The following FKTN variants were observed in gnomAD, a reference collection of about 807,000 sequenced individuals.
FKTN encodes fukutin, also known as ribitol-5-phosphate transferase FKTN.
A neutral mutation model predicts 58.6 loss-of-function variants in FKTN; 47 were observed. The ratio of observed to expected loss-of-function variants is 0.80; its 90% CI spans 0.63 to 1.02. The LOEUF (loss-of-function observed/expected upper bound fraction) is 1.02, where lower values mean the gene tolerates loss of function less well. Ranked by LOEUF, FKTN falls within the 50% of genes least tolerant of loss-of-function variation. The pLI, the probability that FKTN is intolerant of heterozygous loss-of-function variation, is 0.00. For missense variants in FKTN, 516 were observed against 537.3 expected (o/e 0.96, Z 0.39); for synonymous variants, 178 against 191.9 (o/e 0.93, Z 0.60).
chr9:105,593,954 CT>C (rs1826263056), intron 3 of FKTN, among the ~76,000 whole-genome samples: 1 of 152,072 alleles, frequency 6.6e-6, no homozygotes, highest in African/African-American at 2.4e-5. Flanking sequence ...AGGAGTTTTG[CT>C]GTAATGGGGG....
rs140924203 is a variant in FKTN, at chr9:105,601,434, A to C, written c.369+86A>C. 522 of 973,846 alleles carry C rather than the reference A, an allele frequency of 5.4e-4. 4 individuals are homozygous for C. The East Asian group carries it at 0.011, about 20-fold the overall frequency. 60.3% of individuals were successfully genotyped at this position (973,846 alleles called of 1,614,324 possible). A position where few individuals can be genotyped will look rare whatever the true frequency, so the allele number is the denominator to read the frequency against. ...GGCTAGTTTAAAATGTAAAACATTA[A>C]AAATTTTTCCTGAAACACTTTATAA... On this transcript the variant is annotated intron_variant, in intron 5 of 10. Coordinates refer to ENST00000357998, the MANE Select transcript of FKTN (RefSeq NM_001079802.2).
intron 3 of FKTN, among the ~76,000 whole-genome samples, chr9:105,578,176 A>G (rs1356945314): frequency 2.7e-5 from 4 of 149,470 alleles, no homozygotes; most frequent in African/African-American, 7.4e-5. Context: ...TCTCCTGCCT[A>G]ATTGCCCTGG....
At position 105,635,410 on chromosome 9, in the gene FKTN, A is replaced by C; in HGVS notation, c.*146A>C. ...AGACACAGAAAGAGTCATCTGATGT[A>C]ATTCTCTCACTTAGTACTGAGGAAT... On this transcript the variant is annotated 3_prime_UTR_variant, in exon 11 of 11. Transcript: ENST00000357998. 6.7e-7 allele frequency: 1 copy of C among 1,497,066 alleles called. No individual in the cohort carries two copies. The highest frequency in any genetic ancestry group is 2.2e-5 in the Admixed American group (1 of 45,408). The allele number at this position is 1,497,066 out of a possible 1,614,324, so 92.7% of individuals were successfully genotyped here.
intron 3 of FKTN, among the ~76,000 whole-genome samples, chr9:105,584,003 G>A (rs1056255032): frequency 1.3e-5 from 2 of 152,026 alleles, no homozygotes; most frequent in Admixed American, 6.5e-5. Flanking sequence ...CTTTTCCCTT[G>A]GTGGCAGTGT....
At chr9:105,617,397 A>G (rs1242633160) in intron 8 of FKTN, among the ~76,000 whole-genome samples, 1 of 152,200 alleles carries the variant, frequency 6.6e-6, no homozygotes, top group Non-Finnish European at 1.5e-5. Context: ...CATACGGCCC[A>G]TCAGGTGGTC....
chr9:105,571,390 G>A (rs535095010), intron 1 of FKTN, among the ~76,000 whole-genome samples: 1 of 152,098 alleles, frequency 6.6e-6, no homozygotes. Context: ...TTTGATAGGC[G>A]AATCTTTCTC....
chr9:105,626,414 A>C (rs183162799), intron 10 of FKTN, among the ~76,000 whole-genome samples: 9 of 152,304 alleles, frequency 5.9e-5, no homozygotes, highest in Admixed American at 3.9e-4. Flanking sequence ...TGGTGAAAGG[A>C]GCAATCAAGC....
chr9:105,604,203 C>T lies in FKTN; in HGVS notation c.370-12C>T. On this transcript the variant is annotated splice_polypyrimidine_tract_variant and intron_variant, in intron 5 of 10. Coordinates refer to ENST00000357998, the MANE Select transcript of FKTN (RefSeq NM_001079802.2). Reference sequence around the variant, plus strand: ...TGTTGTTTCTTGATGTTTGATGCTTCTTTGGTTCTAGGAAGGCTGGTTTCG... The same window carrying T: ...TGTTGTTTCTTGATGTTTGATGCTTTTTTGGTTCTAGGAAGGCTGGTTTCG... 1 of 1,611,948 alleles carries T rather than the reference C, an allele frequency of 6.2e-7. No homozygotes were observed. Among genetic ancestry groups the T allele is most frequent in the Non-Finnish European group, 8.5e-7 (1 of 1,179,766 alleles).
intron 1 of FKTN, among the ~76,000 whole-genome samples, chr9:105,572,980 A>G (rs1199766646): frequency 6.6e-6 from 1 of 152,152 alleles, no homozygotes; most frequent in African/African-American, 2.4e-5. Flanking sequence ...CATGCCTGTA[A>G]TCCCAGCACT....
At chr9:105,600,827 T>C (rs750879695) in intron 4 of FKTN, 3 of 195,932 alleles carry the variant, frequency 1.5e-5, no homozygotes, top group Non-Finnish European at 3.2e-5. Flanking sequence ...TACCACTTCC[T>C]CTGTGAAATT....
At chr9:105,585,189 C>T (rs1228078093) in intron 3 of FKTN, among the ~76,000 whole-genome samples, 2 of 152,124 alleles carry the variant, frequency 1.3e-5, no homozygotes, top group Admixed American at 6.6e-5. Context: ...CTTTGGGAGG[C>T]TTAGGCGAGA....
chr9:105,638,211 C>CT lies in FKTN; in HGVS notation c.*2950dup, dbSNP rs1175762101. 1.0e-6 allele frequency: 1 copy of CT among 985,290 alleles called. No homozygotes were observed. The highest frequency in any genetic ancestry group is 1.7e-5 in the African/African-American group (1 of 57,222). 61.0% of individuals were successfully genotyped at this position (985,290 alleles called of 1,614,324 possible). A position where few individuals can be genotyped will look rare whatever the true frequency, so the allele number is the denominator to read the frequency against. On this transcript the variant is annotated 3_prime_UTR_variant, in exon 11 of 11. Transcript: ENST00000357998. ...TCTGTTTCGCATCACAACACAGTAT[C>CT]TTTAACAGTGCTTGAGATGCTTAAC... is the stretch of plus-strand genomic sequence containing the variant.
chr9:105,614,549 C>CT (rs1246401318), intron 7 of FKTN, among the ~76,000 whole-genome samples: 1 of 152,162 alleles, frequency 6.6e-6, no homozygotes, highest in Non-Finnish European at 1.5e-5. Context: ...GCTTTTTCTA[C>CT]TATACTACAC....
chr9:105,618,069 C>G lies in FKTN; in HGVS notation c.1021C>G (p.Pro341Ala), dbSNP rs886044385. 3 of 1,612,352 alleles carry G rather than the reference C, an allele frequency of 1.9e-6. No individual in the cohort carries two copies. In the South Asian group the frequency reaches 3.3e-5, roughly 18 times the overall value. ...TTTAGCATTTCAGGATGCAGGACTT[C>G]CGCTCAAACACAAATTTGGGAAGGT... ...IILAFQDAGL[P>A]LKHKFGKVED... Residue 341 changes from proline to alanine, a missense_variant, in exon 9 of 11, where the codon CCG (proline) becomes GCG (alanine). Coordinates refer to ENST00000357998, the MANE Select transcript of FKTN (RefSeq NM_001079802.2).
At chr9:105,581,830 G>A (rs1468503890) in intron 3 of FKTN, among the ~76,000 whole-genome samples, 2 of 152,192 alleles carry the variant, frequency 1.3e-5, no homozygotes, top group African/African-American at 2.4e-5. Context: ...TTCCGTGGGC[G>A]TAGGACCCTC....
chr9:105,588,989 A>G (rs563719612), intron 3 of FKTN, among the ~76,000 whole-genome samples: 1 of 152,256 alleles, frequency 6.6e-6, no homozygotes, highest in South Asian at 2.1e-4. Flanking sequence ...GTTGACAGTG[A>G]CTGCATCTTC....
chr9:105,570,907 A>G (rs1405445852), intron 1 of FKTN, among the ~76,000 whole-genome samples: 1 of 152,200 alleles, frequency 6.6e-6, no homozygotes, highest in South Asian at 2.1e-4. Flanking sequence ...GGTAATGGGC[A>G]AAAACACAGA....
intron 7 of FKTN, among the ~76,000 whole-genome samples, chr9:105,612,622 A>T (rs1340259993): frequency 6.6e-6 from 1 of 152,222 alleles, no homozygotes; most frequent in Non-Finnish European, 1.5e-5. Flanking sequence ...TAAGGTATAT[A>T]GCTCTATGCA....
At chr9:105,581,951 T>G (rs1221025878) in intron 3 of FKTN, among the ~76,000 whole-genome samples, 2 of 152,164 alleles carry the variant, frequency 1.3e-5, no homozygotes, top group Non-Finnish European at 2.9e-5. Flanking sequence ...CGTCACCCCT[T>G]TCTTTGACTC....
Sources: allele counts gnomAD v4.1 joint callset (sites outside exome capture counted in the v4.1 genomes callset), GRCh38; gene constraint gnomAD v4.1.1; transcripts MANE v1.5; gene names NCBI Gene and HGNC (gene_info 2026-07-23, HGNC 2026-07-21).